STAT1: variants seen among roughly 807,000 people sequenced by gnomAD.
STAT1 encodes signal transducer and activator of transcription 1, also known as signal transducer and activator of transcription 1-alpha/beta.
Under a neutral mutation model 111.7 loss-of-function variants are expected in STAT1, and 24 were observed. That is an observed-to-expected ratio of 0.21 (90% CI 0.16 to 0.30). The LOEUF (loss-of-function observed/expected upper bound fraction) is 0.30. Among genes scored for constraint, STAT1 ranks in the 10% least tolerant of loss-of-function variants. STAT1 has a pLI of 1.00. For missense variants in STAT1, 351 were observed against 911.9 expected (o/e 0.38, Z 7.92); for synonymous variants, 332 against 326.5 (o/e 1.02, Z -0.18).
chr2:191,008,528 T>C (rs998594370), intron 4 of STAT1, among the ~76,000 whole-genome samples: 2 of 152,218 alleles, frequency 1.3e-5, no homozygotes, highest in African/African-American at 2.4e-5. Context: ...CTGACTTCCT[T>C]AGGTGAAAGT....
Position 190,989,484 on chromosome 2 carries a change from G to T in STAT1, c.1097+131C>A. On this transcript the variant is annotated intron_variant, in intron 12 of 24. Transcript: ENST00000361099. This position sits in a 1 kb window ranked among gnomAD's most constrained non-coding sequence, Gnocchi z 5.0. ...GGTTCAGCCCTGGGGCCCTAGGGAGGCAAACTTCCACCCAGTATAGACCCT... is the reference window on the plus strand; with the variant it reads ...GGTTCAGCCCTGGGGCCCTAGGGAGTCAAACTTCCACCCAGTATAGACCCT... The T allele has an allele frequency of 1.6e-6, 1 of 623,662 alleles. No individual in the cohort carries two copies. Among genetic ancestry groups the T allele is most frequent in the Non-Finnish European group, 2.8e-6 (1 of 360,452 alleles). 38.6% of individuals were successfully genotyped at this position (623,662 alleles called of 1,614,324 possible). A position where few individuals can be genotyped will look rare whatever the true frequency, so the allele number is the denominator to read the frequency against.
At chr2:190,994,974 A>G in intron 10 of STAT1, 87 bp downstream of exon 10, 1 of 936,972 alleles carries the variant, frequency 1.1e-6, no homozygotes, top group Non-Finnish European at 1.7e-6. Flanking sequence ...CACCTATTAA[A>G]CCCTTGTAAA....
At chr2:190,988,660 T>TGAGCCACTGCACCTGGCC (rs1693065577) in intron 12 of STAT1, among the ~76,000 whole-genome samples, 1 of 152,190 alleles carries the variant, frequency 6.6e-6, no homozygotes, top group Admixed American at 6.5e-5. Context: ...ATTACAGGTG[T>TGAGCCACTGCACCTGGCC]GAGCCACTGC....
chr2:191,007,417 A>C lies in STAT1; in HGVS notation c.372+146T>G. Reference sequence around the variant, plus strand: ...TCTTTCTTAAAGCCTGGTTCTATAAAATCTCTAAATCTGATTCTCCCACTT... The same window carrying C: ...TCTTTCTTAAAGCCTGGTTCTATAACATCTCTAAATCTGATTCTCCCACTT... On this transcript the variant is annotated intron_variant, in intron 5 of 24. Transcript: ENST00000361099. The surrounding 1 kb of genome is among the most constrained non-coding windows in gnomAD (Gnocchi z 4.2). 1 of 662,610 alleles carries C rather than the reference A, an allele frequency of 1.5e-6. No homozygotes were observed. Among genetic ancestry groups the C allele is most frequent in the Admixed American group, 2.7e-5 (1 of 36,708 alleles). The allele number at this position is 662,610 out of a possible 1,614,324, so 41.0% of individuals were successfully genotyped here. A position where few individuals can be genotyped will look rare whatever the true frequency, so the allele number is the denominator to read the frequency against.
At chr2:190,991,172 T>C in intron 11 of STAT1, 56 bp downstream of exon 11, 4 of 1,551,562 alleles carry the variant, frequency 2.6e-6, no homozygotes, top group Admixed American at 1.7e-5. Context: ...AAAAGGAAAC[T>C]AGGGGTACAA....
Position 191,010,018 on chromosome 2 carries a change from G to T in STAT1, c.-1-14C>A, listed in dbSNP as rs755204176. 1 of 1,613,550 alleles carries T rather than the reference G, an allele frequency of 6.2e-7. No individual in the cohort carries two copies. The highest frequency in any genetic ancestry group is 8.5e-7 in the Non-Finnish European group (1 of 1,179,674). ...CACTGAGACATCCTATAGGGAAAAA[G>T]AATATACATTCTTTCTATGTATATG... is the stretch of plus-strand genomic sequence containing the variant. On this transcript the variant is annotated splice_polypyrimidine_tract_variant and intron_variant, in intron 2 of 24. Transcript: ENST00000361099.
At position 190,993,234 on chromosome 2, in the gene STAT1, A is replaced by C. The variant is rs45551633; in HGVS notation, c.944+1827T>G. 2,012 of 579,372 alleles carry C rather than the reference A, an allele frequency of 3.5e-3. 11 individuals are homozygous for C. Among genetic ancestry groups the C allele is most frequent in the Non-Finnish European group, 5.4e-3 (1,673 of 307,418 alleles). The allele number at this position is 579,372 out of a possible 1,614,324, so 35.9% of individuals were successfully genotyped here. A position where few individuals can be genotyped will look rare whatever the true frequency, so the allele number is the denominator to read the frequency against. On this transcript the variant is annotated intron_variant, in intron 10 of 24. Transcript: ENST00000361099. The surrounding 1 kb of genome is among the most constrained non-coding windows in gnomAD (Gnocchi z 4.1). ...AATTTGTTGACGTTTTCACTGGGAT[A>C]ATGATCTATTTTCTGCAGTCACTGT... is the stretch of plus-strand genomic sequence containing the variant.
chr2:191,006,845 C>A lies in STAT1; in HGVS notation c.372+718G>T, dbSNP rs1694737839. Among the ~76,000 whole-genome samples the A allele has an allele frequency of 6.6e-6, 1 of 152,180 alleles. No homozygotes were observed. Among genetic ancestry groups the A allele is most frequent in the South Asian group, 2.1e-4 (1 of 4,834 alleles). On this transcript the variant is annotated intron_variant, in intron 5 of 24. Coordinates refer to ENST00000361099, the MANE Select transcript of STAT1 (RefSeq NM_007315.4). This position sits in a 1 kb window ranked among gnomAD's most constrained non-coding sequence, Gnocchi z 4.6. ...ACTCTGACTCATTTACTGTTTGATG[C>A]CTTGAATATTTAATAGGTATCTTGA... is the stretch of plus-strand genomic sequence containing the variant.
At chr2:191,009,463 TA>T (rs45604539) in intron 3 of STAT1, among the ~76,000 whole-genome samples, 27 of 151,990 alleles carry the variant, frequency 1.8e-4, no homozygotes, top group African/African-American at 4.1e-4. Context: ...ACCTATCAGT[TA>T]AAAAAAATCC....
chr2:190,979,938 T>C lies in STAT1; in HGVS notation c.1633-72A>G, dbSNP rs1692232744. On this transcript the variant is annotated intron_variant, in intron 19 of 24. Coordinates refer to ENST00000361099, the MANE Select transcript of STAT1 (RefSeq NM_007315.4). This position sits in a 1 kb window ranked among gnomAD's most constrained non-coding sequence, Gnocchi z 5.8. ...TGACTTACCATGGCCCCTCCCACCA[T>C]CATTTGCAAAGACTCCCCAGGTGCC... The C allele has an allele frequency of 1.9e-6, 2 of 1,056,694 alleles. No homozygotes were observed. The highest frequency in any genetic ancestry group is 2.9e-6 in the Non-Finnish European group (2 of 689,788). 65.5% of individuals were successfully genotyped at this position (1,056,694 alleles called of 1,614,324 possible).
intron 5 of STAT1, among the ~76,000 whole-genome samples, chr2:191,001,732 G>A (rs1694282598): frequency 6.6e-6 from 1 of 152,148 alleles, no homozygotes; most frequent in Admixed American, 6.5e-5. Flanking sequence ...ACCCAGACTT[G>A]CCTGGGAGTA....
At position 190,974,838 on chromosome 2, in the gene STAT1, C is replaced by T. The variant is rs780156389; in HGVS notation, c.2230G>A (p.Asp744Asn). The change falls in exon 24 of 25, where the codon GAC becomes AAC. Residue 744 changes from aspartate to asparagine, a missense_variant. Coordinates refer to ENST00000361099, the MANE Select transcript of STAT1 (RefSeq NM_007315.4). The surrounding 1 kb of genome is among the most constrained non-coding windows in gnomAD (Gnocchi z 4.8). ...CCAGCCGTGGTACTCACCATACTGTCGAATTCTACAGAGCCCACTATCCGA... is the reference window on the plus strand; with the variant it reads ...CCAGCCGTGGTACTCACCATACTGTTGAATTCTACAGAGCCCACTATCCGA... ...VSRIVGSVEF[D>N]SMMNTV The T allele has an allele frequency of 5.0e-6, 8 of 1,613,822 alleles. No individual in the cohort carries two copies. The East Asian group carries it at 6.7e-5, about 13-fold the overall frequency.
rs775132297 is a variant in STAT1, at chr2:190,995,239, A to G, written c.786-20T>C. ...GTGAACCTGGGAAGACACAAGACACAGATGTCTCTATGAGAAACAGTCCAG... is the reference window on the plus strand; with the variant it reads ...GTGAACCTGGGAAGACACAAGACACGGATGTCTCTATGAGAAACAGTCCAG... On this transcript the variant is annotated intron_variant, in intron 9 of 24. Transcript: ENST00000361099. This position sits in a 1 kb window ranked among gnomAD's most constrained non-coding sequence, Gnocchi z 4.2. The G allele has an allele frequency of 1.9e-6, 3 of 1,613,628 alleles. No individual in the cohort carries two copies. The highest frequency in any genetic ancestry group is 3.3e-5 in the Admixed American group (2 of 60,022).
At position 191,007,024 on chromosome 2, in the gene STAT1, G is replaced by A. The variant is rs1015680222; in HGVS notation, c.372+539C>T. ...TTTTCAAGGGGTTCTAGTAGCTGCT[G>A]TAGAGCCATCCTTGACTTTCTGCTC... On this transcript the variant is annotated intron_variant, in intron 5 of 24. Coordinates refer to ENST00000361099, the MANE Select transcript of STAT1 (RefSeq NM_007315.4). The surrounding 1 kb of genome is among the most constrained non-coding windows in gnomAD (Gnocchi z 4.2). 7.9e-5 allele frequency among the ~76,000 whole-genome samples: 12 copies of A among 152,142 alleles called. No individual in the cohort carries two copies. Among genetic ancestry groups the A allele is most frequent in the Non-Finnish European group, 1.8e-4 (12 of 68,026 alleles).
At position 190,998,079 on chromosome 2, in the gene STAT1, A is replaced by C. The variant is rs951110933; in HGVS notation, c.634-72T>G. 1.3e-6 allele frequency: 2 copies of C among 1,583,216 alleles called. No individual in the cohort carries two copies. Among genetic ancestry groups the C allele is most frequent in the Non-Finnish European group, 1.7e-6 (2 of 1,160,160 alleles). On this transcript the variant is annotated intron_variant, in intron 8 of 24. Transcript: ENST00000361099. This position sits in a 1 kb window ranked among gnomAD's most constrained non-coding sequence, Gnocchi z 4.1. ...ACTGAATTTTAAAATATTTTTTAAA[A>C]GAAAAGCAAATATCATTTCATTCTC...
rs1691774070 is a variant in STAT1 at position 190,974,792 on chromosome 2, T to C, written c.2238+38A>G. On this transcript the variant is annotated intron_variant, in intron 24 of 24. Coordinates refer to ENST00000361099, the MANE Select transcript of STAT1 (RefSeq NM_007315.4). The surrounding 1 kb of genome is among the most constrained non-coding windows in gnomAD (Gnocchi z 4.8). ...GCTCCCTGCCTCTGAGCACACACAC[T>C]TATTGAGAGCTACACACAGGCCAGC... is the stretch of plus-strand genomic sequence containing the variant. The C allele has an allele frequency of 6.4e-7, 1 of 1,556,770 alleles. No homozygotes were observed.
chr2:190,993,625 ACT>A lies in STAT1; in HGVS notation c.944+1434_944+1435del, dbSNP rs1228206607. The A allele has an allele frequency of 5.2e-6, 3 of 573,130 alleles. No homozygotes were observed. Among genetic ancestry groups the A allele is most frequent in the Non-Finnish European group, 3.4e-6 (1 of 293,456 alleles). The allele number at this position is 573,130 out of a possible 1,614,324, so 35.5% of individuals were successfully genotyped here. A position where few individuals can be genotyped will look rare whatever the true frequency, so the allele number is the denominator to read the frequency against. The stretch of plus-strand genomic sequence containing the variant: ...CCTTGCTGCTACAGCTGCTGCCCTG[ACT>A]CTCTGCACCACGGGTAACTGAAGGA... On this transcript the variant is annotated intron_variant, in intron 10 of 24. Coordinates refer to ENST00000361099, the MANE Select transcript of STAT1 (RefSeq NM_007315.4). This position sits in a 1 kb window ranked among gnomAD's most constrained non-coding sequence, Gnocchi z 4.1.
intron 12 of STAT1, among the ~76,000 whole-genome samples, chr2:190,988,280 G>A (rs1693027416): frequency 1.3e-5 from 2 of 152,224 alleles, no homozygotes; most frequent in African/African-American, 2.4e-5. Flanking sequence ...ATAAGGCCTT[G>A]CTAGAGCACC....
At position 190,980,425 on chromosome 2, in the gene STAT1, T is replaced by C. The variant is rs1692286613; in HGVS notation, c.1632+195A>G. ...AGAATGTTATCACTCAGGCAGGTGC[T>C]TCCTGTCAGACTCCTGCTCGGAGAC... is the stretch of plus-strand genomic sequence containing the variant. On this transcript the variant is annotated intron_variant, in intron 19 of 24. Coordinates refer to ENST00000361099, the MANE Select transcript of STAT1 (RefSeq NM_007315.4). This position sits in a 1 kb window ranked among gnomAD's most constrained non-coding sequence, Gnocchi z 6.1. Among the ~76,000 whole-genome samples the C allele has an allele frequency of 6.6e-6, 1 of 152,252 alleles. No individual in the cohort carries two copies. Among genetic ancestry groups the C allele is most frequent in the Admixed American group, 6.5e-5 (1 of 15,290 alleles).
Sources: allele counts gnomAD v4.1 joint callset (sites outside exome capture counted in the v4.1 genomes callset), GRCh38; gene constraint gnomAD v4.1.1; non-coding constraint Gnocchi (gnomAD v3.1); transcripts MANE v1.5; gene names NCBI Gene and HGNC (gene_info 2026-07-23, HGNC 2026-07-21).